The following APCDD1L variants were observed in gnomAD, a reference collection of about 807,000 sequenced individuals.
The protein encoded by APCDD1L is protein APCDD1-like.
In APCDD1L, 21 loss-of-function variants were observed where a neutral mutation model predicts 24.2. That is an observed-to-expected ratio of 0.87 (90% confidence interval 0.61 to 1.25). The LOEUF is 1.25. Ranked by LOEUF, APCDD1L falls within the 50% of genes most tolerant of loss-of-function variation. The pLI, the probability that APCDD1L is intolerant of heterozygous loss-of-function variation, is 0.00. For missense variants in APCDD1L, 704 were observed against 711.7 expected, an observed-to-expected ratio of 0.99 and a Z score of 0.12; for synonymous variants, 321 against 323.6, an observed-to-expected ratio of 0.99 and a Z score of 0.09.
intron 1 of APCDD1L, among the ~76,000 whole-genome samples, chr20:58,488,068 G>A (rs565794619): frequency 3.9e-5 from 6 of 152,242 alleles, no homozygotes; most frequent in African/African-American, 9.6e-5. Flanking sequence ...GTTACCTGCA[G>A]TCAACCATGA....
At chr20:58,500,892 C>A (rs901515929) in intron 1 of APCDD1L, among the ~76,000 whole-genome samples, 2 of 152,212 alleles carry the variant, frequency 1.3e-5, no homozygotes, top group African/African-American at 2.4e-5. Context: ...CCACTTCCCC[C>A]AGCCCTCCCA....
chr20:58,461,372 G>A lies in APCDD1L; in HGVS notation c.924C>T (p.Ser308=). 4.5e-6 allele frequency: 7 copies of A among 1,566,540 alleles called. No homozygotes were observed. The highest frequency in any genetic ancestry group is 6.1e-6 in the Non-Finnish European group (7 of 1,151,236). Reference sequence around the variant, plus strand: ...GGTGGTAATACCCTTCCCAGGAGCGGCTGTGCCCGTGGAAAGTGAAGAGCC... The same window carrying A: ...GGTGGTAATACCCTTCCCAGGAGCGACTGTGCCCGTGGAAAGTGAAGAGCC... ...LTRLFTFHGH[S]RSWEGYYHHF... The change falls in exon 4 of 4, where the codon AGC becomes AGT. Residue 308 remains serine, a synonymous_variant. Coordinates refer to ENST00000371149, the MANE Select transcript of APCDD1L (RefSeq NM_153360.3). The surrounding 1 kb of genome is among the most constrained non-coding windows in gnomAD (Gnocchi z 6.0).
At chr20:58,501,821 C>G (rs1178319709) in intron 1 of APCDD1L, among the ~76,000 whole-genome samples, 1 of 152,206 alleles carries the variant, frequency 6.6e-6, no homozygotes, top group African/African-American at 2.4e-5. Flanking sequence ...TTCCAAAGCC[C>G]TTAAGCTTGG....
chr20:58,460,738 C>T lies in APCDD1L; in HGVS notation c.*52G>A. On this transcript the variant is annotated 3_prime_UTR_variant, in exon 4 of 4. Coordinates refer to ENST00000371149, the MANE Select transcript of APCDD1L (RefSeq NM_153360.3). This position sits in a 1 kb window ranked among gnomAD's most constrained non-coding sequence, Gnocchi z 4.2. ...TTCCCTACAGCTGCCAGGAGGGAGT[C>T]TGAAGGGTTGAATGGGTGTCCAGAG... 6.7e-7 allele frequency: 1 copy of T among 1,498,480 alleles called. No individual in the cohort carries two copies. The highest frequency in any genetic ancestry group is 8.9e-7 in the Non-Finnish European group (1 of 1,122,428). 92.8% of individuals were successfully genotyped at this position (1,498,480 alleles called of 1,614,324 possible).
In APCDD1L at chr20:58,460,945, G is replaced by A. The variant is rs780551687; in HGVS notation, c.1351C>T (p.Pro451Ser). The A allele has an allele frequency of 2.5e-6, 4 of 1,614,078 alleles. No individual in the cohort carries two copies. Among genetic ancestry groups the A allele is most frequent in the Non-Finnish European group, 3.4e-6 (4 of 1,179,980 alleles). The change falls in exon 4 of 4, where the codon CCC becomes TCC. Residue 451 changes from proline (P) to serine (S), a missense_variant. Transcript: ENST00000371149. The surrounding 1 kb of genome is among the most constrained non-coding windows in gnomAD (Gnocchi z 4.2). Reference sequence around the variant, plus strand: ...GCCTCCCCATGACAGAGCACCAGGGGTGCTTGGTAGGAGGTGGGACGTTTC... The same window carrying A: ...GCCTCCCCATGACAGAGCACCAGGGATGCTTGGTAGGAGGTGGGACGTTTC... ...PEKRPTSYQA[P>S]LVLCHGEAPD...
Position 58,467,014 on chromosome 20 carries a change from G to A in APCDD1L, c.741+92C>T. 1 of 1,463,222 alleles carries A rather than the reference G, an allele frequency of 6.8e-7. No homozygotes were observed. Among genetic ancestry groups the A allele is most frequent in the Non-Finnish European group, 9.0e-7 (1 of 1,105,354 alleles). The allele number at this position is 1,463,222 out of a possible 1,614,324, so 90.6% of individuals were successfully genotyped here. A position where few individuals can be genotyped will look rare whatever the true frequency, so the allele number is the denominator to read the frequency against. On this transcript the variant is annotated intron_variant, in intron 3 of 3. Coordinates refer to ENST00000371149, the MANE Select transcript of APCDD1L (RefSeq NM_153360.3). This position sits in a 1 kb window ranked among gnomAD's most constrained non-coding sequence, Gnocchi z 5.9. ...GCCGGGCAGCCAGAGCCCTGGGCAGGCCCAGGTCTTGCAAAGCTGCGGGGC... is the reference window on the plus strand; with the variant it reads ...GCCGGGCAGCCAGAGCCCTGGGCAGACCCAGGTCTTGCAAAGCTGCGGGGC...
chr20:58,505,988 C>T (rs1346300449), intron 1 of APCDD1L, among the ~76,000 whole-genome samples: 1 of 152,166 alleles, frequency 6.6e-6, no homozygotes, highest in Non-Finnish European at 1.5e-5. Flanking sequence ...AAAGAAGATT[C>T]CCTTCTACAG....
Position 58,470,701 on chromosome 20 carries a change from G to A in APCDD1L, c.96C>T (p.Arg32=), listed in dbSNP as rs142502149. 1.3e-6 allele frequency: 2 copies of A among 1,549,284 alleles called. No homozygotes were observed. The highest frequency in any genetic ancestry group is 1.4e-5 in the African/African-American group (1 of 73,466). ...AGGGCTGCTGGCAGTGGGGTTCCCA[G>A]CGCAGGCAGCTGCCCCCGGCCTCCC... The part of the protein sequence containing the change: ...AAGEAGGSCL[R]WEPHCQQPLP... Residue 32 remains arginine (R), a synonymous_variant, in exon 2 of 4, where the codon CGC becomes CGT. Coordinates refer to ENST00000371149, the MANE Select transcript of APCDD1L (RefSeq NM_153360.3).
chr20:58,463,224 G>C (rs141791560), intron 3 of APCDD1L, among the ~76,000 whole-genome samples: 1 of 151,332 alleles, frequency 6.6e-6, no homozygotes, highest in Non-Finnish European at 1.5e-5. Context: ...TTGAAATCTC[G>C]TAAAGAGCTG....
intron 1 of APCDD1L, among the ~76,000 whole-genome samples, chr20:58,504,640 G>A (rs1169509051): frequency 6.6e-6 from 1 of 152,200 alleles, no homozygotes; most frequent in African/African-American, 2.4e-5. Flanking sequence ...TGTAGCCTCA[G>A]TCACCCTAGT....
chr20:58,474,704 CAAACA>C (rs762333127), intron 1 of APCDD1L, among the ~76,000 whole-genome samples: 12 of 152,092 alleles, frequency 7.9e-5, no homozygotes, highest in South Asian at 2.1e-4. Context: ...GACTCAGTCT[CAAACA>C]AAACAAAACA....
intron 1 of APCDD1L, among the ~76,000 whole-genome samples, chr20:58,510,699 A>G (rs1990610339): frequency 6.6e-6 from 1 of 152,194 alleles, no homozygotes; most frequent in Non-Finnish European, 1.5e-5. Flanking sequence ...CATTCTGCAG[A>G]TAAGGAAATT....
intron 1 of APCDD1L, among the ~76,000 whole-genome samples, chr20:58,507,997 G>A (rs1055158958): frequency 6.6e-6 from 1 of 152,248 alleles, no homozygotes; most frequent in Non-Finnish European, 1.5e-5. Context: ...TAGTGAAGAT[G>A]TAAGAAATGA....
chr20:58,482,562 G>T (rs868491675), intron 1 of APCDD1L, among the ~76,000 whole-genome samples: 2 of 152,108 alleles, frequency 1.3e-5, no homozygotes, highest in Non-Finnish European at 2.9e-5. Context: ...CTCAGGAAGG[G>T]GACAAAGCGG....
At chr20:58,510,597 G>A (rs1429269711) in intron 1 of APCDD1L, among the ~76,000 whole-genome samples, 2 of 152,178 alleles carry the variant, frequency 1.3e-5, no homozygotes, top group Non-Finnish European at 1.5e-5. Flanking sequence ...CTCCCAAAGT[G>A]CTGGGATTAA....
intron 1 of APCDD1L, among the ~76,000 whole-genome samples, chr20:58,503,835 G>C (rs554800429): frequency 6.6e-6 from 1 of 152,356 alleles, no homozygotes; most frequent in South Asian, 2.1e-4. Context: ...GGACTTCTTG[G>C]ATGGGCATGG....
chr20:58,486,108 G>C (rs1424988368), intron 1 of APCDD1L, among the ~76,000 whole-genome samples: 1 of 152,334 alleles, frequency 6.6e-6, no homozygotes, highest in African/African-American at 2.4e-5. Context: ...CCACTATGGA[G>C]TAAGAGTTGG....
chr20:58,491,378 A>G (rs1335037183), intron 1 of APCDD1L, among the ~76,000 whole-genome samples: 1 of 152,240 alleles, frequency 6.6e-6, no homozygotes, highest in Non-Finnish European at 1.5e-5. Flanking sequence ...CAGACAAATT[A>G]TTAGAAATAA....
intron 1 of APCDD1L, among the ~76,000 whole-genome samples, chr20:58,507,473 C>T (rs1358836157): frequency 1.3e-5 from 2 of 151,996 alleles, no homozygotes; most frequent in Non-Finnish European, 2.9e-5. Flanking sequence ...TCTCCCTCTC[C>T]CTGACTCTTT....
Sources: gnomAD v4.1 joint callset for allele counts (sites outside exome capture counted in the v4.1 genomes callset) on GRCh38, gnomAD v4.1.1 for gene constraint, Gnocchi (gnomAD v3.1) non-coding constraint, MANE v1.5 for transcripts, NCBI Gene and HGNC (gene_info 2026-07-23, HGNC 2026-07-21) for gene names.